Variants in TRIO observed in about 807,000 individuals in gnomAD.
TRIO encodes the protein trio Rho guanine nucleotide exchange factor, also known as triple functional domain protein.
TRIO carries 58 observed loss-of-function variants against 351.9 expected under a neutral mutation model. The observed-to-expected ratio is 0.16, with a 90% CI of 0.13 to 0.21. The LOEUF is 0.21. Among genes scored for constraint, TRIO ranks in the 10% least tolerant of loss-of-function variants. The pLI, the probability that TRIO is intolerant of heterozygous loss-of-function variation, is 1.00. For missense variants in TRIO, 3,201 were observed against 4,027.8 expected (o/e 0.79, Z 5.56); for synonymous variants, 1,758 against 1,595.7 (o/e 1.10, Z -2.42).
rs1749966378 is a variant in TRIO, at chr5:14,419,840, G to A, written c.5022G>A (p.Glu1674=). ...IHDFTACNSN[E]LTIRRGQTVE... ...ACTTCACCGCTTGCAACAGCAACGA[G>A]CTGACCATCCGACGGGGCCAGACCG... The change falls in exon 34 of 57, where the codon GAG becomes GAA. Residue 1674 remains glutamate (E), a synonymous_variant. Coordinates refer to ENST00000344204, the MANE Select transcript of TRIO (RefSeq NM_007118.4). 6.2e-7 allele frequency: 1 copy of A among 1,614,126 alleles called. No homozygotes were observed. The highest frequency in any genetic ancestry group is 1.3e-5 in the African/African-American group (1 of 74,942).
intron 47 of TRIO, among the ~76,000 whole-genome samples, chr5:14,487,224 T>C (rs1384693767): frequency 6.6e-6 from 1 of 152,148 alleles, no homozygotes; most frequent in Non-Finnish European, 1.5e-5. Context: ...CTGTGGACAC[T>C]GGCCCTTAGT....
chr5:14,392,652 A>C (rs1289215951), intron 27 of TRIO, among the ~76,000 whole-genome samples: 1 of 152,270 alleles, frequency 6.6e-6, no homozygotes, highest in Admixed American at 6.5e-5. Flanking sequence ...CACTGTTCAC[A>C]ATAGCAAAGA....
chr5:14,435,489 A>G (rs1751509135), intron 34 of TRIO, among the ~76,000 whole-genome samples: 1 of 152,148 alleles, frequency 6.6e-6, no homozygotes, highest in Non-Finnish European at 1.5e-5. Flanking sequence ...TTGTGGGGAA[A>G]TATTTTTGAA....
intron 34 of TRIO, among the ~76,000 whole-genome samples, chr5:14,432,648 C>T (rs1306271827): frequency 6.6e-6 from 1 of 152,190 alleles, no homozygotes; most frequent in African/African-American, 2.4e-5. Context: ...CCTCTTCCTA[C>T]TCCCCTAGTT....
At chr5:14,170,659 A>C (rs1334797100) in intron 1 of TRIO, among the ~76,000 whole-genome samples, 6 of 151,994 alleles carry the variant, frequency 3.9e-5, no homozygotes, top group African/African-American at 1.5e-4. Flanking sequence ...GGCGTGCTCC[A>C]CCATGCCTGG....
intron 18 of TRIO, among the ~76,000 whole-genome samples, chr5:14,371,335 G>A (rs1745084620): frequency 6.6e-6 from 1 of 152,136 alleles, no homozygotes; most frequent in African/African-American, 2.4e-5. Context: ...TGGTGTTTGT[G>A]TATAGGATAT....
chr5:14,192,652 AATGTCTTT>A (rs1790527974), intron 1 of TRIO, among the ~76,000 whole-genome samples: 2 of 152,166 alleles, frequency 1.3e-5, no homozygotes, highest in South Asian at 4.1e-4. Context: ...TCCCTAAACA[AATGTCTTT>A]GAACATTTAC....
At chr5:14,479,106 A>G (rs1049030407) in intron 41 of TRIO, among the ~76,000 whole-genome samples, 155 bp from the exon 42 acceptor site, 1 of 152,218 alleles carries the variant, frequency 6.6e-6, no homozygotes, top group African/African-American at 2.4e-5. Context: ...GCTGATCTAC[A>G]TCCTGAATCT....
intron 21 of TRIO, among the ~76,000 whole-genome samples, chr5:14,385,464 C>T (rs1746460017): frequency 6.6e-6 from 1 of 152,204 alleles, no homozygotes; most frequent in Non-Finnish European, 1.5e-5. Flanking sequence ...TCAGGAAGGA[C>T]AACTAGGATG....
rs1791891295 is a variant in TRIO at position 14,211,521 on chromosome 5, A to C, written c.158-59304A>C. On this transcript the variant is annotated intron_variant, in intron 1 of 56. Coordinates refer to ENST00000344204, the MANE Select transcript of TRIO (RefSeq NM_007118.4). Reference sequence around the variant, plus strand: ...AAAATATTTTGCCATGTGTGCTTGAAGGTATATATTAAAACAAGAATCTAC... The same window carrying C: ...AAAATATTTTGCCATGTGTGCTTGACGGTATATATTAAAACAAGAATCTAC... Among the ~76,000 whole-genome samples, 8 of 151,946 alleles carry C rather than the reference A, an allele frequency of 5.3e-5. No homozygotes were observed. In the South Asian group the frequency reaches 1.7e-3, roughly 32 times the overall value.
At chr5:14,157,496 C>T (rs974432035) in intron 1 of TRIO, among the ~76,000 whole-genome samples, 2 of 127,354 alleles carry the variant, frequency 1.6e-5, no homozygotes, top group African/African-American at 3.0e-5. Flanking sequence ...TCCCTGTCTC[C>T]CTCTCTCTCC....
chr5:14,190,073 A>G (rs1316476387), intron 1 of TRIO, among the ~76,000 whole-genome samples: 1 of 152,082 alleles, frequency 6.6e-6, no homozygotes, highest in Non-Finnish European at 1.5e-5. Context: ...TTTTTAGTCA[A>G]CAGAGCTGGT....
At chr5:14,264,069 G>A (rs1795507816) in intron 1 of TRIO, among the ~76,000 whole-genome samples, 1 of 152,084 alleles carries the variant, frequency 6.6e-6, no homozygotes, top group South Asian at 2.1e-4. Flanking sequence ...ATTGGTCTGT[G>A]ATGCTTTTAA....
intron 1 of TRIO, among the ~76,000 whole-genome samples, chr5:14,264,273 C>G (rs191961797): frequency 6.6e-6 from 1 of 151,616 alleles, no homozygotes; most frequent in Non-Finnish European, 1.5e-5. Flanking sequence ...TTCTTTAACT[C>G]CCTTGAATTA....
At chr5:14,259,827 T>C (rs1262203961) in intron 1 of TRIO, among the ~76,000 whole-genome samples, 4 of 152,104 alleles carry the variant, frequency 2.6e-5, no homozygotes, top group Non-Finnish European at 2.9e-5. Flanking sequence ...ACAGGATTGC[T>C]CTTACGGGGG....
chr5:14,393,992 G>A lies in TRIO; in HGVS notation c.4219-46G>A, dbSNP rs755018461. On this transcript the variant is annotated intron_variant, in intron 27 of 56. Transcript: ENST00000344204. ...TGTGTTTTATGGCCATGATTTAATA[G>A]TGTAGCCCTATGATAACTCTTGTTT... 2.3e-6 allele frequency: 3 copies of A among 1,328,534 alleles called. No individual in the cohort carries two copies. In the South Asian group the frequency reaches 3.6e-5, roughly 16 times the overall value. 82.3% of individuals were successfully genotyped at this position (1,328,534 alleles called of 1,614,324 possible).
chr5:14,167,405 T>C (rs2152123279), intron 1 of TRIO, among the ~76,000 whole-genome samples: 1 of 152,228 alleles, frequency 6.6e-6, no homozygotes, highest in Middle Eastern at 3.4e-3. Context: ...TACACGAACC[T>C]GAAAGCAGGC....
chr5:14,434,234 A>G (rs2152399600), intron 34 of TRIO, among the ~76,000 whole-genome samples: 1 of 152,340 alleles, frequency 6.6e-6, no homozygotes, highest in Non-Finnish European at 1.5e-5. Flanking sequence ...TTTCACGAAA[A>G]TAAGATTGAC....
chr5:14,330,144 A>G (rs1005139238), intron 9 of TRIO, among the ~76,000 whole-genome samples: 1 of 152,234 alleles, frequency 6.6e-6, no homozygotes, highest in African/African-American at 2.4e-5. Flanking sequence ...ATAAGATTAT[A>G]CTGCTTTGTT....
Sources: gnomAD v4.1 joint callset for allele counts (sites outside exome capture counted in the v4.1 genomes callset) on GRCh38, gnomAD v4.1.1 for gene constraint, MANE v1.5 for transcripts, NCBI Gene and HGNC (gene_info 2026-07-23, HGNC 2026-07-21) for gene names.